Variants in ADRA1A observed in about 807,000 individuals in gnomAD.
ADRA1A encodes adrenoceptor alpha 1A.
In ADRA1A, 31 loss-of-function variants were observed where a neutral mutation model predicts 29.6. The ratio of observed to expected loss-of-function variants is 1.05; its 90% CI spans 0.79 to 1.41. ADRA1A has a LOEUF of 1.41. Among genes scored for constraint, ADRA1A ranks in the 40% most tolerant of loss-of-function variants. ADRA1A has a pLI of 0.00. For synonymous variants in ADRA1A, 311 were observed against 254.3 expected, an observed-to-expected ratio of 1.22 and a Z score of -2.12; for missense variants, 619 against 601.1, an observed-to-expected ratio of 1.03 and a Z score of -0.31.
chr8:26,863,024 A>T (rs1473287362), intron 2 of ADRA1A, among the ~76,000 whole-genome samples: 1 of 152,240 alleles, frequency 6.6e-6, no homozygotes, highest in African/African-American at 2.4e-5. Flanking sequence ...GCACAAAAAA[A>T]TAATAGTTGC....
At chr8:26,819,373 C>T (rs1459658723) in intron 2 of ADRA1A, among the ~76,000 whole-genome samples, 1 of 145,664 alleles carries the variant, frequency 6.9e-6, no homozygotes, top group Non-Finnish European at 1.5e-5. Flanking sequence ...ATAAAACTCA[C>T]TTTTACTCTA....
chr8:26,832,409 C>G (rs1441893927), intron 2 of ADRA1A, among the ~76,000 whole-genome samples: 7 of 151,950 alleles, frequency 4.6e-5, no homozygotes, highest in Non-Finnish European at 7.4e-5. Flanking sequence ...TTTGCGGAGG[C>G]AAAAGTCTGG....
At chr8:26,803,212 G>C (rs1266587301) in intron 2 of ADRA1A, among the ~76,000 whole-genome samples, 1 of 152,072 alleles carries the variant, frequency 6.6e-6, no homozygotes, top group African/African-American at 2.4e-5. Context: ...TTATATTGTA[G>C]AATAACTGAG....
At chr8:26,774,223 G>A (rs533017210) in intron 2 of ADRA1A, among the ~76,000 whole-genome samples, 2 of 152,300 alleles carry the variant, frequency 1.3e-5, no homozygotes, top group East Asian at 1.9e-4. Context: ...CAGGTTGCAG[G>A]ATCCATTCTC....
rs1167910585 is a variant in ADRA1A at position 26,770,470 on chromosome 8, C to A, written c.1080G>T (p.Leu360=). Residue 360 remains leucine (L), a synonymous_variant, in exon 3 of 3, where the codon CTG becomes CTT. Transcript: ENST00000380573. ...QSSKHALGYT[L]HPPSQAVEGQ... is the part of the protein sequence containing the mutation. The stretch of plus-strand genomic sequence containing the variant: ...CTTCCACGGCCTGGCTGGGCGGGTG[C>A]AGGGTGTAGCCCAGGGCATGTTTGG... The A allele has an allele frequency of 6.2e-7, 1 of 1,614,174 alleles. No homozygotes were observed. Among genetic ancestry groups the A allele is most frequent in the East Asian group, 2.2e-5 (1 of 44,868 alleles).
At chr8:26,767,750 T>C (rs1805868718), downstream of ADRA1A, among the ~76,000 whole-genome samples, 1 of 151,348 alleles carries the variant, frequency 6.6e-6, no homozygotes, top group African/African-American at 2.4e-5. Context: ...CCATAATTTG[T>C]TGAAGAAAAA....
At chr8:26,834,282 T>G (rs920111630) in intron 2 of ADRA1A, among the ~76,000 whole-genome samples, 34 of 152,242 alleles carry the variant, frequency 2.2e-4, no homozygotes, top group Non-Finnish European at 2.8e-4. Context: ...GTTGTGAAGA[T>G]ATCAGTTTTA....
At position 26,775,808 on chromosome 8, in the gene ADRA1A, A is replaced by T. The variant is rs1806502668; in HGVS notation, c.884-5142T>A. On this transcript the variant is annotated intron_variant, in intron 2 of 2. Transcript: ENST00000380573. The surrounding 1 kb of genome is among the most constrained non-coding windows in gnomAD (Gnocchi z 4.1). ...CCGGTCAGACTGAGGTGGATAGAAC[A>T]GGAGTTTATGGCCAAACACCATCAA... 6.6e-6 allele frequency among the ~76,000 whole-genome samples: 1 copy of T among 152,234 alleles called. No individual in the cohort carries two copies. The highest frequency in any genetic ancestry group is 2.1e-4 in the South Asian group (1 of 4,834).
At chr8:26,836,161 T>A in intron 2 of ADRA1A, 1 of 239,344 alleles carries the variant, frequency 4.2e-6, no homozygotes, top group South Asian at 7.9e-5. Flanking sequence ...CAGTTCCTAG[T>A]CTGGTTGGGG....
At position 26,787,558 on chromosome 8, in the gene ADRA1A, A is replaced by G. The variant is rs1807491804; in HGVS notation, c.884-16892T>C. The stretch of plus-strand genomic sequence containing the variant: ...GTGTAGGAATAAAAGGAGAACTGTC[A>G]TCTGTAGTTCTTGGATATGGAGAGA... On this transcript the variant is annotated intron_variant, in intron 2 of 2. Coordinates refer to ENST00000380573, the MANE Select transcript of ADRA1A (RefSeq NM_000680.4). This position sits in a 1 kb window ranked among gnomAD's most constrained non-coding sequence, Gnocchi z 4.2. Among the ~76,000 whole-genome samples the G allele has an allele frequency of 1.3e-5, 2 of 152,100 alleles. No homozygotes were observed. The highest frequency in any genetic ancestry group is 6.6e-5 in the Admixed American group (1 of 15,256).
chr8:26,851,728 C>CATGAAGCAAAAACATAAACATAT (rs1176692193), intron 2 of ADRA1A, among the ~76,000 whole-genome samples: 4 of 151,920 alleles, frequency 2.6e-5, no homozygotes, highest in Non-Finnish European at 5.9e-5. Context: ...ATCTTTTATG[C>CATGAAGCAAAAACATAAACATAT]ATGAAGCAAA....
chr8:26,841,439 C>A lies in ADRA1A; in HGVS notation c.883+22648G>T, dbSNP rs1811810381. Among the ~76,000 whole-genome samples the A allele has an allele frequency of 6.6e-6, 1 of 152,206 alleles. No homozygotes were observed. Among genetic ancestry groups the A allele is most frequent in the South Asian group, 2.1e-4 (1 of 4,834 alleles). On this transcript the variant is annotated intron_variant, in intron 2 of 2. Coordinates refer to ENST00000380573, the MANE Select transcript of ADRA1A (RefSeq NM_000680.4). The surrounding 1 kb of genome is among the most constrained non-coding windows in gnomAD (Gnocchi z 4.4). ...ATCGGGCTTTCCCAGATATCCTTTG[C>A]ATTCAAATCCTCTCAACCACTGCCT...
intron 2 of ADRA1A, among the ~76,000 whole-genome samples, chr8:26,858,733 A>G (rs1422441073): frequency 6.6e-6 from 1 of 152,196 alleles, no homozygotes; most frequent in East Asian, 1.9e-4. Context: ...ACTCATCTCC[A>G]TGGCCAAAAT....
intron 2 of ADRA1A, chr8:26,756,871 T>C (rs1249657656): frequency 3.9e-6 from 6 of 1,537,992 alleles, no homozygotes; most frequent in Non-Finnish European, 5.3e-6. Flanking sequence ...TTTTATCCTT[T>C]TGTAGAGTAA....
chr8:26,860,278 T>C lies in ADRA1A; in HGVS notation c.883+3809A>G, dbSNP rs574124475. Reference sequence around the variant, plus strand: ...TCTCTATGCATAGCTCAGCCACCACTGCAAGCTCCAAACTCTCAGGCCACC... The same window carrying C: ...TCTCTATGCATAGCTCAGCCACCACCGCAAGCTCCAAACTCTCAGGCCACC... On this transcript the variant is annotated intron_variant, in intron 2 of 2. Coordinates refer to ENST00000380573, the MANE Select transcript of ADRA1A (RefSeq NM_000680.4). The surrounding 1 kb of genome is among the most constrained non-coding windows in gnomAD (Gnocchi z 4.7). Among the ~76,000 whole-genome samples, 169 of 152,194 alleles carry C rather than the reference T, an allele frequency of 1.1e-3. 1 individual carries two copies. The highest frequency in any genetic ancestry group is 1.6e-3 in the Non-Finnish European group (111 of 67,990).
Position 26,831,547 on chromosome 8 carries a change from C to T in ADRA1A, c.883+32540G>A, listed in dbSNP as rs1810977763. The stretch of plus-strand genomic sequence containing the variant: ...TGTAGAGGTCACGGAAGTGTCAGGT[C>T]ACACCCAATGTCCTAGACACTGGAG... On this transcript the variant is annotated intron_variant, in intron 2 of 2. Transcript: ENST00000380573. The surrounding 1 kb of genome is among the most constrained non-coding windows in gnomAD (Gnocchi z 5.2). 6.6e-6 allele frequency among the ~76,000 whole-genome samples: 1 copy of T among 152,178 alleles called. No individual in the cohort carries two copies. The highest frequency in any genetic ancestry group is 1.5e-5 in the Non-Finnish European group (1 of 68,034).
chr8:26,855,878 A>T (rs913883828), intron 2 of ADRA1A, among the ~76,000 whole-genome samples: 1 of 152,234 alleles, frequency 6.6e-6, no homozygotes, highest in African/African-American at 2.4e-5. Flanking sequence ...GACAAAGAAA[A>T]TGCCTTAGAA....
At chr8:26,859,667 G>GGTGTCA (rs1269922671) in intron 2 of ADRA1A, among the ~76,000 whole-genome samples, 4 of 152,108 alleles carry the variant, frequency 2.6e-5, no homozygotes, top group Non-Finnish European at 5.9e-5. Context: ...GGAAGAAATT[G>GGTGTCA]AGAGCCACAG....
intron 2 of ADRA1A, among the ~76,000 whole-genome samples, chr8:26,824,869 A>G (rs1810435851): frequency 6.6e-6 from 1 of 152,220 alleles, no homozygotes; most frequent in Admixed American, 6.5e-5. Flanking sequence ...AAATGAGCCC[A>G]TCTTTATTCC....
Sources: gnomAD v4.1 joint callset for allele counts (sites outside exome capture counted in the v4.1 genomes callset) on GRCh38, gnomAD v4.1.1 for gene constraint, Gnocchi (gnomAD v3.1) non-coding constraint, MANE v1.5 for transcripts, NCBI Gene and HGNC (gene_info 2026-07-23, HGNC 2026-07-21) for gene names.